The following DPY19L3 variants were observed in gnomAD, a reference collection of about 807,000 sequenced individuals.
DPY19L3 encodes dpy-19 like C-mannosyltransferase 3, also known as protein C-mannosyl-transferase DPY19L3.
DPY19L3 carries 51 observed loss-of-function variants against 92.3 expected under a neutral mutation model. The ratio of observed to expected loss-of-function variants is 0.55; its 90% CI spans 0.44 to 0.70. DPY19L3 has a LOEUF of 0.70. DPY19L3 is among the 30% of genes least tolerant of loss of function. DPY19L3 has a pLI of 0.00. For synonymous variants in DPY19L3, 309 were observed against 315.2 expected (o/e 0.98, Z 0.21); for missense variants, 706 against 855.9 (o/e 0.82, Z 2.18).
intron 4 of DPY19L3, among the ~76,000 whole-genome samples, chr19:32,433,691 G>C (rs919360375): frequency 6.6e-6 from 1 of 152,128 alleles, no homozygotes; most frequent in Admixed American, 6.5e-5. Context: ...CCAGTGTGTT[G>C]GAATTATAGG....
intron 3 of DPY19L3, among the ~76,000 whole-genome samples, chr19:32,418,188 CTTACAA>C (rs752066193): frequency 2.1e-4 from 32 of 152,212 alleles, no homozygotes; most frequent in Non-Finnish European, 4.0e-4. Flanking sequence ...TCCTCTGAAA[CTTACAA>C]TTGAGCTCAG....
intron 4 of DPY19L3, among the ~76,000 whole-genome samples, chr19:32,433,110 A>T (rs1400682539): frequency 6.6e-6 from 1 of 152,078 alleles, no homozygotes; most frequent in Non-Finnish European, 1.5e-5. Context: ...AGGTGAAAGG[A>T]GTATTGTCTG....
intron 3 of DPY19L3, among the ~76,000 whole-genome samples, chr19:32,416,471 C>T (rs1251696551): frequency 2.7e-5 from 4 of 148,572 alleles, no homozygotes; most frequent in Middle Eastern, 3.2e-3. Context: ...ACGTTTGGGG[C>T]CCCCCCAGGC....
At position 32,408,240 on chromosome 19, in the gene DPY19L3, G is replaced by C. The variant is rs142774364; in HGVS notation, c.-14G>C. 6.3e-7 allele frequency: 1 copy of C among 1,597,300 alleles called. No homozygotes were observed. The highest frequency in any genetic ancestry group is 8.6e-7 in the Non-Finnish European group (1 of 1,167,166). On this transcript the variant is annotated 5_prime_UTR_variant, in exon 2 of 19. The change abolishes an upstream ATG in the 5' untranslated region. Coordinates refer to ENST00000392250, the MANE Select transcript of DPY19L3 (RefSeq NM_001172774.2). ...AGGAGTGATTTGGAGAACAATGCAT[G>C]TAAGTCTGACATCATGATGTCCATC... is the stretch of plus-strand genomic sequence containing the variant.
chr19:32,458,347 C>G lies in DPY19L3; in HGVS notation c.1164-4C>G. On this transcript the variant is annotated splice_region_variant and splice_polypyrimidine_tract_variant and intron_variant, in intron 11 of 18. Coordinates refer to ENST00000392250, the MANE Select transcript of DPY19L3 (RefSeq NM_001172774.2). Reference sequence around the variant, plus strand: ...TAATACTTTGCTTTCCATTTGTTCCCTAGGGATTTTGATGCAAATCTCTAT... The same window carrying G: ...TAATACTTTGCTTTCCATTTGTTCCGTAGGGATTTTGATGCAAATCTCTAT... 6.2e-7 allele frequency: 1 copy of G among 1,609,706 alleles called. No homozygotes were observed. Among genetic ancestry groups the G allele is most frequent in the South Asian group, 1.1e-5 (1 of 89,866 alleles).
chr19:32,464,052 T>G, intron 14 of DPY19L3, 72 bp downstream of exon 14: 1 of 983,744 alleles, frequency 1.0e-6, no homozygotes, highest in African/African-American at 1.6e-5. Flanking sequence ...CTTTTTTTGT[T>G]TTTCAGTAGC....
rs567148605 is a variant in DPY19L3 at position 32,449,888 on chromosome 19, G to A, written c.856-3257G>A. On this transcript the variant is annotated intron_variant, in intron 8 of 18. Coordinates refer to ENST00000392250, the MANE Select transcript of DPY19L3 (RefSeq NM_001172774.2). Reference sequence around the variant, plus strand: ...TAGATACAATACCAAAAGCACAAGTGACTTTTACAAAAACAGATTAATTGG... The same window carrying A: ...TAGATACAATACCAAAAGCACAAGTAACTTTTACAAAAACAGATTAATTGG... 2.0e-5 allele frequency among the ~76,000 whole-genome samples: 3 copies of A among 152,226 alleles called. No homozygotes were observed. In the East Asian group the frequency reaches 5.8e-4, roughly 29 times the overall value.
Position 32,482,135 on chromosome 19 carries a change from C to T in DPY19L3, c.2046C>T (p.Arg682=), listed in dbSNP as rs778522013. ...DPDLKPADHP[R]FCEEIKRNLP... ...ATTTGAAACCTGCAGACCACCCTCG[C>T]TTCTGTGAAGAGATCAAAAGAAACC... is the stretch of plus-strand genomic sequence containing the variant. Residue 682 remains arginine (R), a synonymous_variant, in exon 19 of 19, where the codon CGC becomes CGT. Transcript: ENST00000392250. 6 of 1,613,802 alleles carry T rather than the reference C, an allele frequency of 3.7e-6. No individual in the cohort carries two copies. Among genetic ancestry groups the T allele is most frequent in the Non-Finnish European group, 5.1e-6 (6 of 1,179,862 alleles).
intron 2 of DPY19L3, among the ~76,000 whole-genome samples, chr19:32,409,814 A>G (rs913436915): frequency 6.6e-6 from 1 of 152,172 alleles, no homozygotes; most frequent in Admixed American, 6.5e-5. Flanking sequence ...TACTGCTAGA[A>G]TCTCACCAAC....
At chr19:32,480,716 T>A in intron 18 of DPY19L3, 159 bp downstream of exon 18, 1 of 1,064,036 alleles carries the variant, frequency 9.4e-7, no homozygotes, top group Non-Finnish European at 1.3e-6. Flanking sequence ...AGCCCTCTCT[T>A]GGCACTTTAG....
chr19:32,449,925 A>C (rs768674380), intron 8 of DPY19L3, among the ~76,000 whole-genome samples: 8 of 152,222 alleles, frequency 5.3e-5, no homozygotes, highest in Non-Finnish European at 1.0e-4. Context: ...CTTCATCAAA[A>C]TTAAAACTGT....
chr19:32,426,567 C>T (rs966954428), intron 3 of DPY19L3, among the ~76,000 whole-genome samples: 9 of 152,048 alleles, frequency 5.9e-5, no homozygotes, highest in African/African-American at 1.7e-4. Context: ...TTATTAATTC[C>T]GATATTATTG....
chr19:32,454,042 C>G (rs1355906232), intron 9 of DPY19L3, among the ~76,000 whole-genome samples: 1 of 151,978 alleles, frequency 6.6e-6, no homozygotes, highest in African/African-American at 2.4e-5. Context: ...TTGTTATGGA[C>G]AAAGGTTTTT....
Position 32,463,881 on chromosome 19 carries a change from C to CTTGCAGAA in DPY19L3, c.1459_1460insTGCAGAAT (p.Trp487LeufsTer26), listed in dbSNP as rs1970119987. On this transcript the variant is annotated frameshift_variant, in exon 14 of 19. Coordinates refer to ENST00000392250, the MANE Select transcript of DPY19L3 (RefSeq NM_001172774.2). LOFTEE classifies it high-confidence loss of function. ...TCTGTTCTTGCAGAATGAAGTACCT[C>CTTGCAGAA]TGGACGTCACACATGTGTGTGTTCG... The CTTGCAGAA allele has an allele frequency of 6.2e-7, 1 of 1,613,140 alleles. No homozygotes were observed. Among genetic ancestry groups the CTTGCAGAA allele is most frequent in the Non-Finnish European group, 8.5e-7 (1 of 1,179,418 alleles).
intron 17 of DPY19L3, 30 bp from the exon 18 acceptor site, chr19:32,480,369 G>A: frequency 6.3e-7 from 1 of 1,592,290 alleles, no homozygotes; most frequent in Non-Finnish European, 8.6e-7. Flanking sequence ...AGTAGCATTT[G>A]CCACATTGCA....
chr19:32,439,169 A>G lies in DPY19L3; in HGVS notation c.654A>G (p.Pro218=), dbSNP rs759145863. ...TIPLRENWAL[P]FFAIQIAAIT... is the part of the protein sequence containing the mutation. ...CACTGAGGGAGAACTGGGCGCTGCC[A>G]TTCTTTGCAATTCAGATAGCAGCAA... The change falls in exon 7 of 19, where the codon CCA becomes CCG. Residue 218 remains proline (P), a synonymous_variant. Coordinates refer to ENST00000392250, the MANE Select transcript of DPY19L3 (RefSeq NM_001172774.2). The G allele has an allele frequency of 6.2e-7, 1 of 1,613,618 alleles. No individual in the cohort carries two copies. Among genetic ancestry groups the G allele is most frequent in the African/African-American group, 1.3e-5 (1 of 74,928 alleles).
chr19:32,465,198 G>A (rs1215111891), intron 15 of DPY19L3, among the ~76,000 whole-genome samples: 1 of 152,154 alleles, frequency 6.6e-6, no homozygotes, highest in Non-Finnish European at 1.5e-5. Flanking sequence ...ATCTTCATAA[G>A]AGAATTAGAC....
At chr19:32,438,960 A>G in intron 6 of DPY19L3, 152 bp from the exon 7 acceptor site, 2 of 757,840 alleles carry the variant, frequency 2.6e-6, no homozygotes, top group Non-Finnish European at 4.2e-6. Flanking sequence ...GATGATGATG[A>G]TGATGATGAT....
intron 2 of DPY19L3, among the ~76,000 whole-genome samples, chr19:32,409,128 G>A (rs1254909829): frequency 2.0e-5 from 3 of 152,172 alleles, no homozygotes; most frequent in Admixed American, 6.5e-5. Flanking sequence ...AGCCATTAGC[G>A]AGTGATTAAC....
Sources: gnomAD v4.1 joint callset for allele counts (sites outside exome capture counted in the v4.1 genomes callset) on GRCh38, gnomAD v4.1.1 for gene constraint, MANE v1.5 for transcripts, NCBI Gene and HGNC (gene_info 2026-07-23, HGNC 2026-07-21) for gene names.